The following PCMTD2 variants were observed in gnomAD, a reference collection of about 807,000 sequenced individuals.
PCMTD2 encodes protein-L-isoaspartate O-methyltransferase domain-containing protein 2.
In PCMTD2, 16 loss-of-function variants were observed where a neutral mutation model predicts 33.4. That is an observed-to-expected ratio of 0.48 (90% CI 0.32 to 0.73). The LOEUF is 0.73. Among genes scored for constraint, PCMTD2 ranks in the 30% least tolerant of loss-of-function variants. The pLI, the probability that PCMTD2 is intolerant of heterozygous loss-of-function variation, is 0.03. For missense variants in PCMTD2, 374 were observed against 449.9 expected (o/e 0.83, Z 1.53); for synonymous variants, 161 against 160.8 (o/e 1.00, Z -0.01).
Position 64,259,930 on chromosome 20 carries a change from T to C in PCMTD2, c.-24-12T>C. 7.0e-7 allele frequency: 1 copy of C among 1,430,866 alleles called. No homozygotes were observed. Among genetic ancestry groups the C allele is most frequent in the East Asian group, 2.3e-5 (1 of 43,806 alleles). 88.6% of individuals were successfully genotyped at this position (1,430,866 alleles called of 1,614,324 possible). A position where few individuals can be genotyped will look rare whatever the true frequency, so the allele number is the denominator to read the frequency against. ...AACATAAATCGCTCTTTTTAAACAT[T>C]TTTAATTATAGTATTGCCTAAGTGT... On this transcript the variant is annotated splice_polypyrimidine_tract_variant and intron_variant, in intron 1 of 5. Coordinates refer to ENST00000308824, the MANE Select transcript of PCMTD2 (RefSeq NM_018257.3).
At chr20:64,270,822 A>G (rs1218349571) in intron 5 of PCMTD2, among the ~76,000 whole-genome samples, 1 of 66,654 alleles carries the variant, frequency 1.5e-5, no homozygotes, top group Non-Finnish European at 2.8e-5. Context: ...TCGTTGTGAT[A>G]CGTACAATGG....
At chr20:64,258,589 T>C (rs1185687698) in intron 1 of PCMTD2, among the ~76,000 whole-genome samples, 1 of 152,244 alleles carries the variant, frequency 6.6e-6, no homozygotes, top group East Asian at 1.9e-4. Flanking sequence ...CTCCCACCGC[T>C]GTCTCCAGTT....
intron 1 of PCMTD2, among the ~76,000 whole-genome samples, chr20:64,258,569 C>G (rs1985264700): frequency 6.6e-6 from 1 of 152,104 alleles, no homozygotes. Flanking sequence ...ATTTTCATTC[C>G]TGGGAAAACC....
At position 64,275,440 on chromosome 20, in the gene PCMTD2, C is replaced by A. The variant is rs1348350336; in HGVS notation, c.*1840C>A. ...TATATGGACTGCATTTTTAAAAAAA[C>A]CGCATTTGCCTTTATGCTAGATTGT... is the stretch of plus-strand genomic sequence containing the variant. On this transcript the variant is annotated 3_prime_UTR_variant, in exon 6 of 6. Transcript: ENST00000308824. The A allele has an allele frequency of 2.6e-5, 4 of 152,130 alleles. No homozygotes were observed. The highest frequency in any genetic ancestry group is 4.4e-5 in the Non-Finnish European group (3 of 68,006). The allele number at this position is 152,130 out of a possible 1,614,324, so 9.4% of individuals were successfully genotyped here. A position where few individuals can be genotyped will look rare whatever the true frequency, so the allele number is the denominator to read the frequency against.
At chr20:64,273,150 C>G (rs1429607496) in intron 5 of PCMTD2, 71 bp from the exon 6 acceptor site, 2 of 1,300,028 alleles carry the variant, frequency 1.5e-6, no homozygotes, top group South Asian at 2.8e-5. Flanking sequence ...TGCTACGGGT[C>G]TTAGGTGTGT....
rs756506348 is a variant in PCMTD2, at chr20:64,273,361, C to T, written c.847C>T (p.Arg283Cys). Residue 283 changes from arginine to cysteine, a missense_variant, in exon 6 of 6, where the codon CGC (arginine) becomes TGC (cysteine). Transcript: ENST00000308824. ...CCCCAGGTTTAAACGAAGGAGAGTTCGCCGCCGTCGAATGGAAACGATTGT... is the reference window on the plus strand; with the variant it reads ...CCCCAGGTTTAAACGAAGGAGAGTTTGCCGCCGTCGAATGGAAACGATTGT... ...NTPRFKRRRV[R>C]RRRMETIVFL... 5.0e-6 allele frequency: 8 copies of T among 1,614,036 alleles called. No individual in the cohort carries two copies. The highest frequency in any genetic ancestry group is 1.6e-4 in the Middle Eastern group (1 of 6,084).
chr20:64,263,363 A>C (rs1985514968), intron 2 of PCMTD2, among the ~76,000 whole-genome samples: 1 of 152,206 alleles, frequency 6.6e-6, no homozygotes, highest in South Asian at 2.1e-4. Flanking sequence ...AATGGGGGCC[A>C]GGGAAGCCTT....
intron 5 of PCMTD2, among the ~76,000 whole-genome samples, chr20:64,269,835 G>T (rs1262020030): frequency 3.0e-5 from 4 of 131,238 alleles, no homozygotes; most frequent in African/African-American, 1.4e-4. Flanking sequence ...CGCGTGGTGT[G>T]GGGTCATGGG....
intron 2 of PCMTD2, chr20:64,262,789 C>G (rs1398208826): frequency 1.3e-5 from 2 of 152,288 alleles, no homozygotes; most frequent in African/African-American, 4.8e-5. Context: ...ACAGTAGCTA[C>G]TAAGAGATGG....
At chr20:64,266,044 A>C (rs1179922652) in intron 4 of PCMTD2, among the ~76,000 whole-genome samples, 5 of 152,190 alleles carry the variant, frequency 3.3e-5, no homozygotes, top group African/African-American at 1.2e-4. Context: ...GAAAACACAA[A>C]TAATAAAAAT....
chr20:64,267,942 C>A lies in PCMTD2; in HGVS notation c.638C>A (p.Ala213Asp). The change falls in exon 5 of 6, where the codon GCT (alanine) becomes GAT (aspartate). Residue 213 changes from alanine (A) to aspartate (D), a missense_variant. By Grantham distance (126) the Ala-to-Asp change is moderately radical (BLOSUM62 -2). Transcript: ENST00000308824. ...PSAWETKKILAVSFAPLIQPC... is the reference protein window; with the variant it reads ...PSAWETKKILDVSFAPLIQPC... ...GCTTGGGAAACCAAAAAGATTCTTG[C>A]TGTTTCTTTTGCTCCTCTGATCCAG... is the stretch of plus-strand genomic sequence containing the variant. The A allele has an allele frequency of 6.2e-7, 1 of 1,612,860 alleles. No individual in the cohort carries two copies. Among genetic ancestry groups the A allele is most frequent in the Non-Finnish European group, 8.5e-7 (1 of 1,178,844 alleles).
chr20:64,260,307 T>C (rs756065585), intron 2 of PCMTD2, 35 bp downstream of exon 2: 1 of 1,471,490 alleles, frequency 6.8e-7, no homozygotes, highest in Non-Finnish European at 9.5e-7. Context: ...AACTCATCTG[T>C]CTCAGGGAAG....
intron 5 of PCMTD2, among the ~76,000 whole-genome samples, chr20:64,269,462 T>C (rs1985795118): frequency 6.6e-6 from 1 of 151,900 alleles, no homozygotes; most frequent in Non-Finnish European, 1.5e-5. Flanking sequence ...TTGAAGAGAG[T>C]GTTAGATGAT....
chr20:64,259,297 T>C (rs1322061292), intron 1 of PCMTD2, among the ~76,000 whole-genome samples: 3 of 152,154 alleles, frequency 2.0e-5, no homozygotes, highest in South Asian at 2.1e-4. Flanking sequence ...GATGGATTGC[T>C]TGACTTGGGT....
chr20:64,260,858 T>A (rs1301848576), intron 2 of PCMTD2, among the ~76,000 whole-genome samples: 1 of 151,970 alleles, frequency 6.6e-6, no homozygotes, highest in African/African-American at 2.4e-5. Context: ...CACCCCTGGC[T>A]GATGTTTAAA....
intron 5 of PCMTD2, among the ~76,000 whole-genome samples, chr20:64,269,852 C>CGTGTGCG (rs11273335): frequency 0.58 from 81,912 of 141,782 alleles, 25,391 homozygotes; most frequent in African/African-American, 0.85. Context: ...TGGGTGCTGG[C>CGTGTGCG]GTGTGGGGGG....
At chr20:64,258,725 C>A (rs1985271437) in intron 1 of PCMTD2, 1 of 152,158 alleles carries the variant, frequency 6.6e-6, no homozygotes, top group Admixed American at 6.5e-5. Context: ...TAAACTTCAT[C>A]ATAATTATAA....
At chr20:64,262,173 G>A (rs1411575070) in intron 2 of PCMTD2, among the ~76,000 whole-genome samples, 2 of 152,050 alleles carry the variant, frequency 1.3e-5, no homozygotes, top group Non-Finnish European at 2.9e-5. Flanking sequence ...AGAATCACTT[G>A]AACCTGGGAG....
intron 4 of PCMTD2, among the ~76,000 whole-genome samples, chr20:64,266,523 C>T (rs947975973): frequency 6.6e-6 from 1 of 152,172 alleles, no homozygotes; most frequent in African/African-American, 2.4e-5. Flanking sequence ...TCCCAAAGTG[C>T]TGGGATTACA....
Sources: allele counts gnomAD v4.1 joint callset (sites outside exome capture counted in the v4.1 genomes callset), GRCh38; gene constraint gnomAD v4.1.1; transcripts MANE v1.5; gene names NCBI Gene and HGNC (gene_info 2026-07-23, HGNC 2026-07-21).